The following NDUFAF7 variants were observed in gnomAD, a reference collection of about 807,000 sequenced individuals.
NDUFAF7 encodes the protein NADH:ubiquinone oxidoreductase complex assembly factor 7.
In NDUFAF7, 48 loss-of-function variants were observed where a neutral mutation model predicts 47.2. The ratio of observed to expected loss-of-function variants is 1.02; its 90% CI spans 0.81 to 1.29. NDUFAF7 has a LOEUF of 1.29. NDUFAF7 is among the 50% of genes most tolerant of loss of function. NDUFAF7 has a pLI of 0.00. For missense variants in NDUFAF7, 635 were observed against 537.6 expected (o/e 1.18, Z -1.79); for synonymous variants, 217 against 190.0 (o/e 1.14, Z -1.17).
the NDUFAF7 span, chr2:37,269,209 G>A: frequency 3.1e-5 from 6 of 192,256 alleles, no homozygotes; most frequent in East Asian, 4.9e-4. Context: ...TCAGGTTCAG[G>A]TTTTCAGACT....
intron 4 of NDUFAF7, among the ~76,000 whole-genome samples, chr2:37,240,673 G>A (rs1341085712): frequency 2.0e-5 from 3 of 152,210 alleles, no homozygotes; most frequent in African/African-American, 7.2e-5. Flanking sequence ...TCTTGTTCAA[G>A]TACTTTAAAA....
chr2:37,247,434 A>T, intron 8 of NDUFAF7, 22 bp from the exon 9 acceptor site: 2 of 1,613,834 alleles, frequency 1.2e-6, no homozygotes, highest in Non-Finnish European at 1.7e-6. Flanking sequence ...AAGGGCAAAA[A>T]TCTGATTTCT....
At chr2:37,258,662 C>G in the NDUFAF7 span, among the ~76,000 whole-genome samples, 1 of 152,194 alleles carries the variant, frequency 6.6e-6, no homozygotes, top group Non-Finnish European at 1.5e-5. Context: ...CACCAACTAT[C>G]AGGCAACCCT....
chr2:37,247,383 A>T, intron 8 of NDUFAF7, 73 bp from the exon 9 acceptor site: 1 of 1,507,930 alleles, frequency 6.6e-7, no homozygotes, highest in Admixed American at 1.7e-5. Context: ...ATATTAAATA[A>T]CTTTAATATG....
At chr2:37,262,292 T>C in the NDUFAF7 span, among the ~76,000 whole-genome samples, 10 of 152,346 alleles carry the variant, frequency 6.6e-5, no homozygotes, top group South Asian at 8.3e-4. Flanking sequence ...TTGGGACTAC[T>C]GCAATAGTTT....
chr2:37,247,517 C>T lies in NDUFAF7; in HGVS notation c.998C>T (p.Ala333Val). Residue 333 changes from alanine (A) to valine (V), a missense_variant, in exon 9 of 10, where the codon GCT becomes GTT. Physicochemically the swap from Ala to Val is moderately conservative, Grantham distance 64 (BLOSUM62 0). Transcript: ENST00000002125. The part of the protein sequence containing the change: ...LIAPGTADLT[A>V]DVDFSYLRRM... ...GCCCCAGGAACAGCAGATCTAACAG[C>T]TGATGTGGACTTCAGTTATTTGCGA... 6.2e-7 allele frequency: 1 copy of T among 1,614,020 alleles called. No homozygotes were observed. The highest frequency in any genetic ancestry group is 8.5e-7 in the Non-Finnish European group (1 of 1,179,958).
downstream of NDUFAF7, chr2:37,252,160 T>G (rs1667552252): frequency 6.6e-6 from 1 of 152,092 alleles, no homozygotes; most frequent in Non-Finnish European, 1.5e-5. Context: ...TCCAGATATC[T>G]GCAAAGCCCA....
In NDUFAF7 at chr2:37,237,863, T is replaced by G; in HGVS notation, c.404T>G (p.Leu135Trp). 6.3e-7 allele frequency: 1 copy of G among 1,593,102 alleles called. No individual in the cohort carries two copies. Among genetic ancestry groups the G allele is most frequent in the African/African-American group, 1.3e-5 (1 of 74,562 alleles). ...AGGGGAACCCTCGTGGGAGATATTT[T>G]GAGGGTAGGTAATAAAAGAATGTCT... is the stretch of plus-strand genomic sequence containing the variant. ...PGRGTLVGDI[L>W]RVFTQLGSVL... The change falls in exon 4 of 10, where the codon TTG (leucine) becomes TGG (tryptophan). Residue 135 changes from leucine to tryptophan, a missense_variant. Physicochemically the swap from Leu to Trp is moderately conservative, Grantham distance 61. Coordinates refer to ENST00000002125, the MANE Select transcript of NDUFAF7 (RefSeq NM_144736.5).
At chr2:37,264,391 T>C in the NDUFAF7 span, among the ~76,000 whole-genome samples, 3,451 of 152,282 alleles carry the variant, frequency 0.023, 58 homozygotes, top group South Asian at 0.041. Flanking sequence ...TTGACAAAGA[T>C]GCCTTGTCTC....
intron 4 of NDUFAF7, 31 bp from the exon 5 acceptor site, chr2:37,241,547 T>C: frequency 1.3e-6 from 2 of 1,531,154 alleles, no homozygotes; most frequent in Non-Finnish European, 1.8e-6. Context: ...ACTTAACACA[T>C]TGTATTTTTT....
At chr2:37,231,980 G>A in intron 1 of NDUFAF7, 126 bp from the exon 2 acceptor site, 1 of 1,600,864 alleles carries the variant, frequency 6.2e-7, no homozygotes, top group Non-Finnish European at 8.5e-7. Flanking sequence ...GCTAAGCACA[G>A]TAGCCCGCGG....
the NDUFAF7 span, among the ~76,000 whole-genome samples, chr2:37,263,316 T>G: frequency 6.6e-6 from 1 of 152,184 alleles, no homozygotes; most frequent in African/African-American, 2.4e-5. Context: ...GTTTTCTGAT[T>G]TTGTAATTTA....
rs1558506198 is a variant in NDUFAF7, at chr2:37,247,452, C to A, written c.937-4C>A. 6.2e-7 allele frequency: 1 copy of A among 1,613,878 alleles called. No homozygotes were observed. Among genetic ancestry groups the A allele is most frequent in the East Asian group, 2.2e-5 (1 of 44,860 alleles). ...GGCAAAAATCTGATTTCTTTATGTTCAAGGGGTTTTGCGACCACAAGCTTC... is the reference window on the plus strand; with the variant it reads ...GGCAAAAATCTGATTTCTTTATGTTAAAGGGGTTTTGCGACCACAAGCTTC... On this transcript the variant is annotated splice_region_variant and splice_polypyrimidine_tract_variant and intron_variant, in intron 8 of 9. Transcript: ENST00000002125.
chr2:37,262,664 G>A, the NDUFAF7 span, among the ~76,000 whole-genome samples: 5 of 146,382 alleles, frequency 3.4e-5, no homozygotes, highest in Non-Finnish European at 7.4e-5. Context: ...GCCATAGTTG[G>A]CTGGCTCTAT....
At chr2:37,268,546 T>C in the NDUFAF7 span, 13 of 290,310 alleles carry the variant, frequency 4.5e-5, no homozygotes, top group East Asian at 1.1e-4. Context: ...CAAAGGGTAA[T>C]AGATATTGTG....
At chr2:37,268,844 A>T in the NDUFAF7 span, 1 of 153,848 alleles carries the variant, frequency 6.5e-6, no homozygotes, top group Non-Finnish European at 1.4e-5. Flanking sequence ...ATCCTCTGCT[A>T]AGAAAACTGG....
chr2:37,244,293 A>G (rs535869674), intron 7 of NDUFAF7, among the ~76,000 whole-genome samples: 1 of 152,248 alleles, frequency 6.6e-6, no homozygotes, highest in Non-Finnish European at 1.5e-5. Context: ...AAGAGTTTAC[A>G]TCTGTGAAAG....
chr2:37,246,095 G>T lies in NDUFAF7; in HGVS notation c.836G>T (p.Gly279Val), dbSNP rs766923813. ...RDHVEVCPDA[G>V]VIIEELSQRI... ...CATGTTGAAGTGTGTCCTGATGCTG[G>T]TGTTATCATCGAGGAACTTTCTCAA... The change falls in exon 8 of 10, where the codon GGT becomes GTT. Residue 279 changes from glycine to valine, a missense_variant. Coordinates refer to ENST00000002125, the MANE Select transcript of NDUFAF7 (RefSeq NM_144736.5). The T allele has an allele frequency of 6.2e-7, 1 of 1,613,918 alleles. No homozygotes were observed. The highest frequency in any genetic ancestry group is 1.1e-5 in the South Asian group (1 of 91,074).
At chr2:37,269,437 C>T in the NDUFAF7 span, 1 of 596,986 alleles carries the variant, frequency 1.7e-6, no homozygotes, top group Middle Eastern at 3.9e-4. Context: ...TTTGCAATGA[C>T]ATTAAGGGAA....
Sources: gnomAD v4.1 joint callset for allele counts (sites outside exome capture counted in the v4.1 genomes callset) on GRCh38, gnomAD v4.1.1 for gene constraint, MANE v1.5 for transcripts, NCBI Gene and HGNC (gene_info 2026-07-23, HGNC 2026-07-21) for gene names.